AOPEP: variants seen among roughly 807,000 people sequenced by gnomAD.
AOPEP encodes the protein aminopeptidase O (putative).
A neutral mutation model predicts 98.1 loss-of-function variants in AOPEP; 77 were observed. The ratio of observed to expected loss-of-function variants is 0.78; its 90% CI spans 0.65 to 0.95. The LOEUF is 0.95. Among genes scored for constraint, AOPEP ranks in the 40% least tolerant of loss-of-function variants. The pLI, the probability that AOPEP is intolerant of heterozygous loss-of-function variation, is 0.00. For missense variants in AOPEP, 1,024 were observed against 1,024.7 expected (o/e 1.00, Z 0.01); for synonymous variants, 346 against 365.3 (o/e 0.95, Z 0.60).
chr9:94,882,476 A>G (rs1234045717), intron 5 of AOPEP, among the ~76,000 whole-genome samples: 3 of 152,204 alleles, frequency 2.0e-5, no homozygotes, highest in Non-Finnish European at 4.4e-5. Context: ...ATCTTATCCA[A>G]AATAAAACTT....
At chr9:95,050,579 C>T (rs1392770147) in intron 13 of AOPEP, among the ~76,000 whole-genome samples, 1 of 152,136 alleles carries the variant, frequency 6.6e-6, no homozygotes, top group African/African-American at 2.4e-5. Context: ...AAAACAACTT[C>T]CATTATTTTT....
intron 1 of AOPEP, among the ~76,000 whole-genome samples, chr9:94,749,250 G>A (rs113482937): frequency 6.6e-6 from 1 of 152,082 alleles, no homozygotes; most frequent in African/African-American, 2.4e-5. Context: ...CCAGCTTTGG[G>A]CATTGAAAGC....
At chr9:94,736,441 G>T (rs7032483) in intron 1 of AOPEP, among the ~76,000 whole-genome samples, 201 of 152,148 alleles carry the variant, frequency 1.3e-3, no homozygotes, top group African/African-American at 4.7e-3. Context: ...GAAAAAGCTG[G>T]TATTTTTGTC....
intron 1 of AOPEP, among the ~76,000 whole-genome samples, chr9:94,743,080 A>G (rs1438764379): frequency 6.6e-6 from 1 of 152,170 alleles, no homozygotes; most frequent in Non-Finnish European, 1.5e-5. Flanking sequence ...ACAGGCATGT[A>G]AGAAGAGATG....
At chr9:94,824,072 T>G (rs1853899843) in intron 5 of AOPEP, among the ~76,000 whole-genome samples, 1 of 152,214 alleles carries the variant, frequency 6.6e-6, no homozygotes, top group African/African-American at 2.4e-5. Context: ...CTAGTGTGAT[T>G]TCCCCAATGT....
chr9:95,068,688 G>T (rs982494217), intron 14 of AOPEP, among the ~76,000 whole-genome samples: 1 of 152,146 alleles, frequency 6.6e-6, no homozygotes, highest in Admixed American at 6.5e-5. Context: ...CATTGCCAGG[G>T]TCATGAAGAT....
chr9:95,015,651 A>G lies in AOPEP; in HGVS notation c.2115+10035A>G, dbSNP rs1313497490. On this transcript the variant is annotated intron_variant, in intron 13 of 16. Transcript: ENST00000375315. ...CACACCTGTATCAGAGGTGCAGGGA[A>G]GTGCAGGAGGTATCGGAACAGTTTG... is the stretch of plus-strand genomic sequence containing the variant. 2.0e-5 allele frequency among the ~76,000 whole-genome samples: 3 copies of G among 152,324 alleles called. No homozygotes were observed. The East Asian group carries it at 5.8e-4, about 29-fold the overall frequency.
chr9:94,894,220 A>G (rs1394268072), intron 5 of AOPEP, among the ~76,000 whole-genome samples: 1 of 152,232 alleles, frequency 6.6e-6, no homozygotes, highest in Non-Finnish European at 1.5e-5. Flanking sequence ...CAAAGCAGAT[A>G]TGAATTAATT....
intron 11 of AOPEP, among the ~76,000 whole-genome samples, chr9:94,994,470 G>A (rs1589198619): frequency 2.0e-5 from 3 of 152,130 alleles, no homozygotes; most frequent in South Asian, 2.1e-4. Context: ...TCACAACTCC[G>A]TAAGACAGAC....
intron 16 of AOPEP, among the ~76,000 whole-genome samples, chr9:95,083,404 G>A (rs1342369799): frequency 2.5e-5 from 3 of 119,924 alleles, no homozygotes; most frequent in Non-Finnish European, 3.4e-5. Context: ...CACAGCGCAC[G>A]CACCACGCAG....
the AOPEP span, among the ~76,000 whole-genome samples, chr9:95,113,235 C>A: frequency 2.0e-5 from 3 of 152,296 alleles, no homozygotes; most frequent in South Asian, 6.2e-4. Context: ...GCAGCTGGCA[C>A]CCAAGCCATC....
chr9:95,115,752 C>T, the AOPEP span, among the ~76,000 whole-genome samples: 3 of 152,216 alleles, frequency 2.0e-5, no homozygotes, highest in African/African-American at 4.8e-5. Context: ...TCTGAACTCC[C>T]GCGGCCCTTG....
chr9:95,130,766 A>G, the AOPEP span, among the ~76,000 whole-genome samples: 1 of 152,154 alleles, frequency 6.6e-6, no homozygotes, highest in Non-Finnish European at 1.5e-5. Flanking sequence ...ACTACAAAAT[A>G]CCTTTCTTCT....
At chr9:94,800,534 G>A (rs969152105) in intron 4 of AOPEP, among the ~76,000 whole-genome samples, 1 of 152,142 alleles carries the variant, frequency 6.6e-6, no homozygotes, top group African/African-American at 2.4e-5. Flanking sequence ...TCTTATCTTA[G>A]ATTGAAGCTA....
At chr9:94,832,431 C>T (rs1741557318) in intron 5 of AOPEP, among the ~76,000 whole-genome samples, 1 of 152,158 alleles carries the variant, frequency 6.6e-6, no homozygotes, top group African/African-American at 2.4e-5. Flanking sequence ...CTTGGAGTTG[C>T]AGGGGAAGCG....
chr9:94,845,940 C>A (rs1243243224), intron 5 of AOPEP, among the ~76,000 whole-genome samples: 1 of 152,042 alleles, frequency 6.6e-6, no homozygotes, highest in African/African-American at 2.4e-5. Flanking sequence ...ATTAAAAATA[C>A]AAGAATTAGT....
At chr9:94,866,344 G>C (rs1209546325) in intron 5 of AOPEP, among the ~76,000 whole-genome samples, 1 of 152,154 alleles carries the variant, frequency 6.6e-6, no homozygotes, top group East Asian at 1.9e-4. Flanking sequence ...ACCAGCTCAG[G>C]GTTTATTCAA....
intron 3 of AOPEP, among the ~76,000 whole-genome samples, chr9:94,774,407 A>G (rs892499718): frequency 1.3e-5 from 2 of 151,758 alleles, no homozygotes; most frequent in Non-Finnish European, 2.9e-5. Context: ...TAAAAAAATT[A>G]TAGAGAAAAT....
At chr9:95,095,248 G>T in the AOPEP span, among the ~76,000 whole-genome samples, 4 of 152,174 alleles carry the variant, frequency 2.6e-5, no homozygotes, top group African/African-American at 9.7e-5. Flanking sequence ...CCTCCGAAAA[G>T]GTGGTACCAG....
Sources: allele counts gnomAD v4.1 joint callset (sites outside exome capture counted in the v4.1 genomes callset), GRCh38; gene constraint gnomAD v4.1.1; transcripts MANE v1.5; gene names NCBI Gene and HGNC (gene_info 2026-07-23, HGNC 2026-07-21).